The following RBFOX1 variants were observed in gnomAD, a reference collection of about 807,000 sequenced individuals.
RBFOX1 encodes the protein RNA binding protein fox-1 homolog 1.
In RBFOX1, 8 loss-of-function variants were observed where a neutral mutation model predicts 57.7. The observed-to-expected ratio is 0.14, with a 90% CI of 0.08 to 0.25. The LOEUF (loss-of-function observed/expected upper bound fraction) is 0.25. Among genes scored for constraint, RBFOX1 ranks in the 10% least tolerant of loss-of-function variants. RBFOX1 has a pLI of 1.00. For missense variants in RBFOX1, 611 were observed against 548.5 expected, an observed-to-expected ratio of 1.11 and a Z score of -1.14; for synonymous variants, 326 against 222.4, an observed-to-expected ratio of 1.47 and a Z score of -4.15.
In RBFOX1 at chr16:5,615,403, C is replaced by T. The variant is rs185196885; in HGVS notation, c.318+16442C>T. On this transcript the variant is annotated intron_variant, in intron 3 of 19. Transcript: ENST00000641259. ...GTGTGCTTGATAGACCCTAGAGCTTCGAAGAGTGAGTGGTGTGTACTGCTC... is the reference window on the plus strand; with the variant it reads ...GTGTGCTTGATAGACCCTAGAGCTTTGAAGAGTGAGTGGTGTGTACTGCTC... 8.5e-5 allele frequency among the ~76,000 whole-genome samples: 13 copies of T among 152,272 alleles called. No individual in the cohort carries two copies. The East Asian group carries it at 1.2e-3, about 14-fold the overall frequency.
chr16:7,195,775 A>G (rs1212644989), intron 4 of RBFOX1, among the ~76,000 whole-genome samples: 1 of 151,892 alleles, frequency 6.6e-6, no homozygotes, highest in Admixed American at 6.6e-5. Flanking sequence ...CTGGTGTTCA[A>G]CTCCTGACCT....
chr16:6,885,806 C>T (rs571251553), intron 3 of RBFOX1, among the ~76,000 whole-genome samples: 90 of 152,252 alleles, frequency 5.9e-4, no homozygotes, highest in African/African-American at 1.9e-3. Flanking sequence ...GCTGGGATTA[C>T]GGGCATGAAT....
chr16:7,044,187 A>T (rs972663069), intron 3 of RBFOX1, among the ~76,000 whole-genome samples: 3 of 152,056 alleles, frequency 2.0e-5, no homozygotes, highest in African/African-American at 7.2e-5. Flanking sequence ...ATGTGTGGGT[A>T]TGGGTGTGTA....
At chr16:6,278,275 T>G (rs1260294479) in intron 1 of RBFOX1, among the ~76,000 whole-genome samples, 1 of 150,348 alleles carries the variant, frequency 6.7e-6, no homozygotes. Context: ...AGCAGGCATG[T>G]GCTTTAAAAT....
chr16:5,253,034 G>A (rs1210474886), intron 1 of RBFOX1, among the ~76,000 whole-genome samples: 1 of 152,306 alleles, frequency 6.6e-6, no homozygotes, highest in African/African-American at 2.4e-5. Context: ...CTCCTCTGAG[G>A]TGCTCGCAAA....
intron 1 of RBFOX1, among the ~76,000 whole-genome samples, chr16:6,313,389 A>T (rs1272214209): frequency 6.6e-6 from 1 of 152,144 alleles, no homozygotes; most frequent in Non-Finnish European, 1.5e-5. Flanking sequence ...GCAAGCCTGG[A>T]GGCAGGAGGA....
intron 2 of RBFOX1, among the ~76,000 whole-genome samples, chr16:6,579,693 A>G (rs138169783): frequency 2.6e-5 from 4 of 152,098 alleles, no homozygotes; most frequent in African/African-American, 9.7e-5. Flanking sequence ...CTTTATAAAC[A>G]CTAAGTCTCA....
chr16:6,126,680 T>A (rs4786086), intron 1 of RBFOX1, among the ~76,000 whole-genome samples: 49,682 of 152,020 alleles, frequency 0.33, 9,353 homozygotes, highest in Non-Finnish European at 0.43. Flanking sequence ...CTCCCCTGGT[T>A]TTCACTAGAG....
In RBFOX1 at chr16:6,669,009, T is replaced by G. The variant is rs571535485; in HGVS notation, c.-16+14359T>G. On this transcript the variant is annotated intron_variant, in intron 3 of 15. Coordinates refer to ENST00000550418, the MANE Select transcript of RBFOX1 (RefSeq NM_018723.4). ...TTTTTCTTTCTCTTCAGTTGGTGGG[T>G]TTTATTATCCCACTTCTTGATGTGT... is the stretch of plus-strand genomic sequence containing the variant. Among the ~76,000 whole-genome samples the G allele has an allele frequency of 2.9e-4, 44 of 152,170 alleles. No homozygotes were observed. The South Asian group carries it at 8.7e-3, about 30-fold the overall frequency.
chr16:6,759,701 C>G (rs538587360), intron 3 of RBFOX1, among the ~76,000 whole-genome samples: 13 of 152,138 alleles, frequency 8.5e-5, no homozygotes, highest in Non-Finnish European at 1.6e-4. Flanking sequence ...TAATAATAGC[C>G]TTTAATAGAA....
At chr16:6,934,875 C>G (rs1297792642) in intron 3 of RBFOX1, among the ~76,000 whole-genome samples, 2 of 152,032 alleles carry the variant, frequency 1.3e-5, no homozygotes, top group African/African-American at 4.8e-5. Flanking sequence ...GACTTGAGCT[C>G]AGGAGTTTGA....
At chr16:6,535,179 C>T (rs1599130201) in intron 2 of RBFOX1, among the ~76,000 whole-genome samples, 1 of 152,170 alleles carries the variant, frequency 6.6e-6, no homozygotes, top group Non-Finnish European at 1.5e-5. Context: ...TCTGTGTGAG[C>T]ACTCAAAGTC....
At chr16:6,230,173 G>A (rs1004917821) in intron 1 of RBFOX1, among the ~76,000 whole-genome samples, 1 of 152,144 alleles carries the variant, frequency 6.6e-6, no homozygotes, top group African/African-American at 2.4e-5. Flanking sequence ...CAAGATGCTA[G>A]AAGCATAGAA....
intron 1 of RBFOX1, among the ~76,000 whole-genome samples, chr16:5,246,784 C>A (rs1303889812): frequency 1.3e-5 from 2 of 151,996 alleles, no homozygotes; most frequent in Non-Finnish European, 2.9e-5. Context: ...AATCCTTCCA[C>A]CTCAGCCTCC....
intron 4 of RBFOX1, among the ~76,000 whole-genome samples, chr16:7,508,493 T>C (rs1424501908): frequency 6.6e-6 from 1 of 152,106 alleles, no homozygotes; most frequent in East Asian, 1.9e-4. Flanking sequence ...GGGCCTCTTG[T>C]CCTCTGTGTT....
At chr16:5,980,404 G>T (rs2060148920) in intron 4 of RBFOX1, among the ~76,000 whole-genome samples, 1 of 152,146 alleles carries the variant, frequency 6.6e-6, no homozygotes, top group Admixed American at 6.5e-5. Flanking sequence ...GATAGCGTCA[G>T]TGGGATGGGG....
At chr16:5,991,667 CT>C (rs1567229498) in intron 4 of RBFOX1, among the ~76,000 whole-genome samples, 2 of 86,216 alleles carry the variant, frequency 2.3e-5, no homozygotes, top group Admixed American at 2.3e-4. Flanking sequence ...TTTTTTTTTT[CT>C]TTTTTTGGAA....
intron 3 of RBFOX1, among the ~76,000 whole-genome samples, chr16:6,861,312 G>C (rs1241746952): frequency 1.3e-5 from 2 of 152,110 alleles, no homozygotes; most frequent in Non-Finnish European, 2.9e-5. Context: ...CCTTTCGAGT[G>C]CATTGTCTTG....
intron 1 of RBFOX1, among the ~76,000 whole-genome samples, chr16:6,155,314 G>A (rs563318980): frequency 6.6e-6 from 1 of 152,338 alleles, no homozygotes; most frequent in East Asian, 1.9e-4. Flanking sequence ...GCAATTCAGT[G>A]TTCAGCGCCG....
Sources: allele counts gnomAD v4.1 joint callset (sites outside exome capture counted in the v4.1 genomes callset), GRCh38; gene constraint gnomAD v4.1.1; transcripts MANE v1.5; gene names NCBI Gene and HGNC (gene_info 2026-07-23, HGNC 2026-07-21).